The following COPS3 variants were observed in gnomAD, a reference collection of about 807,000 sequenced individuals.
COPS3 encodes COP9 signalosome complex subunit 3.
In COPS3, 10 loss-of-function variants were observed where a neutral mutation model predicts 58.2. The ratio of observed to expected loss-of-function variants is 0.17; its 90% CI spans 0.11 to 0.29. The LOEUF (loss-of-function observed/expected upper bound fraction) is 0.29. Ranked by LOEUF, COPS3 falls within the 10% of genes least tolerant of loss-of-function variation. The pLI is 1.00. For missense variants in COPS3, 333 were observed against 510.1 expected (o/e 0.65, Z 3.34); for synonymous variants, 187 against 181.7 (o/e 1.03, Z -0.24).
intron 6 of COPS3, among the ~76,000 whole-genome samples, chr17:17,263,505 CTTTTCTTTT>C (rs1260223620): frequency 1.8e-5 from 2 of 108,460 alleles, no homozygotes; most frequent in Non-Finnish European, 3.6e-5. Flanking sequence ...AGCCTCTTGC[CTTTTCTTTT>C]TTTTTTTTTT....
chr17:17,254,074 A>G (rs973025362), intron 9 of COPS3, among the ~76,000 whole-genome samples: 11 of 151,970 alleles, frequency 7.2e-5, no homozygotes, highest in African/African-American at 2.7e-4. Flanking sequence ...TGGGAGGCCT[A>G]GGAGGGCAGA....
At chr17:17,268,189 C>G (rs1303847235) in intron 4 of COPS3, 1 of 537,588 alleles carries the variant, frequency 1.9e-6, no homozygotes, top group East Asian at 3.5e-5. Context: ...TAACTCAGCA[C>G]CATTTTTTAA....
Position 17,254,845 on chromosome 17 carries a change from G to C in COPS3, c.1023+14C>G, listed in dbSNP as rs200863230. ...AAAAAAAAAAAAAGAAAAAGAAAAA[G>C]AAAATCCACTTACCATGTGCAGAAC... is the stretch of plus-strand genomic sequence containing the variant. On this transcript the variant is annotated intron_variant, in intron 9 of 11. Transcript: ENST00000268717. 8.8e-7 allele frequency: 1 copy of C among 1,140,134 alleles called. No homozygotes were observed. Among genetic ancestry groups the C allele is most frequent in the Non-Finnish European group, 1.2e-6 (1 of 832,508 alleles). 70.6% of individuals were successfully genotyped at this position (1,140,134 alleles called of 1,614,324 possible).
chr17:17,267,986 A>G lies in COPS3; in HGVS notation c.349-9T>C. On this transcript the variant is annotated splice_polypyrimidine_tract_variant and intron_variant, in intron 4 of 11. Transcript: ENST00000268717. ...CCAATTCCTCGCAGGGGCTGTCAGA[A>G]ATGACATCTCTTTCAGATAAGTTCT... is the stretch of plus-strand genomic sequence containing the variant. 1 of 1,613,546 alleles carries G rather than the reference A, an allele frequency of 6.2e-7. No individual in the cohort carries two copies. Among genetic ancestry groups the G allele is most frequent in the Non-Finnish European group, 8.5e-7 (1 of 1,179,766 alleles).
intron 1 of COPS3, chr17:17,280,794 G>C (rs1030838166): frequency 7.9e-7 from 1 of 1,270,450 alleles, no homozygotes; most frequent in Non-Finnish European, 1.0e-6. Flanking sequence ...AAGAGAGACA[G>C]AAGGAACCAA....
At chr17:17,271,273 A>G (rs2048334975) in intron 2 of COPS3, among the ~76,000 whole-genome samples, 1 of 151,882 alleles carries the variant, frequency 6.6e-6, no homozygotes, top group African/African-American at 2.4e-5. Flanking sequence ...CTACTACAAA[A>G]AATAAATTAG....
At chr17:17,280,729 G>A (rs1392627257) in intron 1 of COPS3, 1 of 1,250,356 alleles carries the variant, frequency 8.0e-7, no homozygotes. Context: ...GGCCTAGTCA[G>A]CAAGCTGCGG....
At chr17:17,260,585 C>T in intron 7 of COPS3, 111 bp from the exon 8 acceptor site, 1 of 989,338 alleles carries the variant, frequency 1.0e-6, no homozygotes, top group Non-Finnish European at 1.5e-6. Flanking sequence ...GGACAAATCA[C>T]CTGGGGTCAG....
chr17:17,262,742 A>T (rs111478970), intron 6 of COPS3, among the ~76,000 whole-genome samples: 98,161 of 151,114 alleles, frequency 0.65, 32,182 homozygotes, highest in East Asian at 0.85. Context: ...AAAAAAAAAT[A>T]TTTTTTGTAG....
intron 7 of COPS3, chr17:17,261,506 A>T: frequency 3.4e-6 from 1 of 296,558 alleles, no homozygotes; most frequent in Non-Finnish European, 6.4e-6. Context: ...AGCTTTGGTG[A>T]CAAGAGCAAA....
At chr17:17,256,521 G>T (rs1045489202) in intron 8 of COPS3, among the ~76,000 whole-genome samples, 3 of 152,120 alleles carry the variant, frequency 2.0e-5, no homozygotes, top group African/African-American at 7.2e-5. Context: ...CATATTAAAA[G>T]AGCTCTATTC....
At chr17:17,269,467 G>C (rs2048299613) in intron 4 of COPS3, among the ~76,000 whole-genome samples, 1 of 152,046 alleles carries the variant, frequency 6.6e-6, no homozygotes, top group Admixed American at 6.6e-5. Context: ...AAGGTGACAT[G>C]CGCCTGTAGT....
chr17:17,264,654 T>C (rs948228774), intron 6 of COPS3, 148 bp downstream of exon 6: 2 of 622,918 alleles, frequency 3.2e-6, no homozygotes, highest in Non-Finnish European at 5.5e-6. Context: ...TTACCACTAT[T>C]TACATGATCA....
rs2048067660 is a variant in COPS3 at position 17,260,441 on chromosome 17, C to T, written c.796G>A (p.Val266Met). The change falls in exon 8 of 12, where the codon GTG (valine) becomes ATG (methionine). Residue 266 changes from valine to methionine, a missense_variant. Val to Met is a conservative substitution (Grantham distance 21). Coordinates refer to ENST00000268717, the MANE Select transcript of COPS3 (RefSeq NM_003653.4). Reference sequence around the variant, plus strand: ...TCTGAGGGGTTGTTGGTTGAATACACTTGTGCTAACTCGTGGTATGCATTG... The same window carrying T: ...TCTGAGGGGTTGTTGGTTGAATACATTTGTGCTAACTCGTGGTATGCATTG... ...LSNAYHELAQ[V>M]YSTNNPSELR... 1 of 1,614,152 alleles carries T rather than the reference C, an allele frequency of 6.2e-7. No homozygotes were observed. The highest frequency in any genetic ancestry group is 8.5e-7 in the Non-Finnish European group (1 of 1,180,024).
At chr17:17,250,259 T>TA (rs2047813292) in intron 9 of COPS3, among the ~76,000 whole-genome samples, 2 of 150,194 alleles carry the variant, frequency 1.3e-5, no homozygotes, top group South Asian at 4.2e-4. Context: ...ATCGCCTTTT[T>TA]TTTTTTTTTT....
chr17:17,268,512 AGACTAAAATATAGTC>A (rs1314468595), intron 4 of COPS3, among the ~76,000 whole-genome samples: 3 of 152,190 alleles, frequency 2.0e-5, no homozygotes, highest in African/African-American at 4.8e-5. Context: ...AGTTTTTGGC[AGACTAAAATATAGTC>A]TCTTCCAAAA....
intron 1 of COPS3, among the ~76,000 whole-genome samples, chr17:17,278,066 C>G (rs969651127): frequency 2.0e-5 from 3 of 152,074 alleles, no homozygotes; most frequent in Non-Finnish European, 4.4e-5. Flanking sequence ...CTGGGACAAT[C>G]CTTGAACCCG....
intron 6 of COPS3, among the ~76,000 whole-genome samples, chr17:17,263,505 C>CTT (rs1400982096): frequency 0.064 from 6,843 of 106,922 alleles, 397 homozygotes; most frequent in East Asian, 0.13. Context: ...AGCCTCTTGC[C>CTT]TTTTCTTTTT....
At chr17:17,280,188 G>A (rs2048544510) in intron 1 of COPS3, among the ~76,000 whole-genome samples, 1 of 152,174 alleles carries the variant, frequency 6.6e-6, no homozygotes, top group Non-Finnish European at 1.5e-5. Context: ...GAGGCCAGTG[G>A]ATCACCTGAG....
Sources: allele counts gnomAD v4.1 joint callset (sites outside exome capture counted in the v4.1 genomes callset), GRCh38; gene constraint gnomAD v4.1.1; transcripts MANE v1.5; gene names NCBI Gene and HGNC (gene_info 2026-07-23, HGNC 2026-07-21).